ATP13A2: variants seen among roughly 807,000 people sequenced by gnomAD.
ATP13A2 encodes the protein polyamine-transporting ATPase 13A2.
In ATP13A2, 83 loss-of-function variants were observed where a neutral mutation model predicts 138.3. The observed-to-expected ratio is 0.60, with a 90% CI of 0.50 to 0.72. The LOEUF is 0.72. ATP13A2 is among the 30% of genes least tolerant of loss of function. The pLI is 0.00. For missense variants in ATP13A2, 1,402 were observed against 1,606.4 expected (o/e 0.87, Z 2.17); for synonymous variants, 663 against 699.0 (o/e 0.95, Z 0.81).
chr1:16,994,953 C>T (rs1015895164), intron 15 of ATP13A2, among the ~76,000 whole-genome samples: 3 of 152,080 alleles, frequency 2.0e-5, no homozygotes, highest in African/African-American at 4.8e-5. Context: ...TGAGCCACTG[C>T]GCTGGGCCCC....
At chr1:17,009,112 T>C (rs2077679988) in intron 1 of ATP13A2, among the ~76,000 whole-genome samples, 1 of 152,194 alleles carries the variant, frequency 6.6e-6, no homozygotes, top group Non-Finnish European at 1.5e-5. Flanking sequence ...ACTGAGCCTC[T>C]GGGGCAGTTG....
intron 15 of ATP13A2, among the ~76,000 whole-genome samples, chr1:16,994,453 G>A (rs545210847): frequency 9.2e-5 from 14 of 151,964 alleles, no homozygotes; most frequent in African/African-American, 2.7e-4. Context: ...GGCTGGTCTC[G>A]AACTCCCGAC....
At chr1:17,002,592 C>T (rs376642180) in intron 6 of ATP13A2, among the ~76,000 whole-genome samples, 2 of 152,164 alleles carry the variant, frequency 1.3e-5, no homozygotes, top group Non-Finnish European at 2.9e-5. Context: ...AGGAGAACAG[C>T]GAGAGATGAT....
chr1:17,002,300 C>A lies in ATP13A2; in HGVS notation c.631G>T (p.Val211Leu). 1 of 1,613,534 alleles carries A rather than the reference C, an allele frequency of 6.2e-7. No homozygotes were observed. The highest frequency in any genetic ancestry group is 8.5e-7 in the Non-Finnish European group (1 of 1,179,890). The change falls in exon 7 of 29, where the codon GTG becomes TTG. Residue 211 changes from valine (V) to leucine (L), a missense_variant. Coordinates refer to ENST00000326735, the MANE Select transcript of ATP13A2 (RefSeq NM_022089.4). Reference protein sequence around the residue: ...RHGLSLQDQMVRKAIYGPNVI... With the variant: ...RHGLSLQDQMLRKAIYGPNVI... Reference sequence around the variant, plus strand: ...CCGGTCCAGGGCAGCACTGACCTCACCATTTGGTCCTGGAGGCTGAGGCCA... The same window carrying A: ...CCGGTCCAGGGCAGCACTGACCTCAACATTTGGTCCTGGAGGCTGAGGCCA...
intron 8 of ATP13A2, 80 bp from the exon 9 acceptor site, chr1:17,000,614 G>A: frequency 1.3e-6 from 2 of 1,540,098 alleles, no homozygotes; most frequent in African/African-American, 1.4e-5. Flanking sequence ...CTGTGCCCAT[G>A]GGAGCAGAGG....
intron 1 of ATP13A2, among the ~76,000 whole-genome samples, chr1:17,006,791 G>T (rs898252574): frequency 1.3e-5 from 2 of 152,160 alleles, no homozygotes; most frequent in African/African-American, 4.8e-5. Flanking sequence ...GTGAGGAGAT[G>T]CAAAGTCAAG....
rs2077495624 is a variant in ATP13A2, at chr1:17,004,945, G to A, written c.347+69C>T. Reference sequence around the variant, plus strand: ...CAGAGTCAGCCTTTATGGGGGGGCCGAGGGTTGGGGAAGTTGGGGAGGCCA... The same window carrying A: ...CAGAGTCAGCCTTTATGGGGGGGCCAAGGGTTGGGGAAGTTGGGGAGGCCA... On this transcript the variant is annotated intron_variant, in intron 4 of 28. Transcript: ENST00000326735. The surrounding 1 kb of genome is among the most constrained non-coding windows in gnomAD (Gnocchi z 4.1). 6.2e-6 allele frequency: 10 copies of A among 1,611,600 alleles called. No homozygotes were observed. The highest frequency in any genetic ancestry group is 1.3e-5 in the African/African-American group (1 of 74,994).
In ATP13A2 at chr1:16,992,263, C is replaced by G. The variant is rs766516471; in HGVS notation, c.1985G>C (p.Gly662Ala). The G allele has an allele frequency of 6.2e-7, 1 of 1,612,592 alleles. No homozygotes were observed. Among genetic ancestry groups the G allele is most frequent in the Non-Finnish European group, 8.5e-7 (1 of 1,179,954 alleles). Residue 662 changes from glycine (G) to alanine (A), a missense_variant, in exon 18 of 29, where the codon GGG becomes GCG. By Grantham distance (60) the Gly-to-Ala change is moderately conservative (BLOSUM62 0). Transcript: ENST00000326735. Reference sequence around the variant, plus strand: ...TGCACCTGTCTCGGGGTTGCAGAGCCCTGCCACCAGCTCCGGGGAGCCTTT... The same window carrying G: ...TGCACCTGTCTCGGGGTTGCAGAGCGCTGCCACCAGCTCCGGGGAGCCTTT... ...YVKGSPELVA[G>A]LCNPETVPTD...
rs778762696 is a variant in ATP13A2 at position 16,995,904 on chromosome 1, CG to C, written c.1542+71del. The C allele has an allele frequency of 1.3e-6, 2 of 1,571,586 alleles. No homozygotes were observed. Among genetic ancestry groups the C allele is most frequent in the Non-Finnish European group, 1.7e-6 (2 of 1,148,402 alleles). Reference sequence around the variant, plus strand: ...TGTGGGTGCTGCTGAGAGAATAACGCGGGTGTGGAGGCCTCACTGGGGCGCC... The same window carrying C: ...TGTGGGTGCTGCTGAGAGAATAACGCGGTGTGGAGGCCTCACTGGGGCGCC... On this transcript the variant is annotated intron_variant, in intron 15 of 28. Coordinates refer to ENST00000326735, the MANE Select transcript of ATP13A2 (RefSeq NM_022089.4). The surrounding 1 kb of genome is among the most constrained non-coding windows in gnomAD (Gnocchi z 4.1).
chr1:17,005,207 G>A (rs1175626280), intron 3 of ATP13A2, 135 bp from the exon 4 acceptor site: 11 of 1,453,300 alleles, frequency 7.6e-6, no homozygotes, highest in African/African-American at 4.2e-5. Flanking sequence ...CACCCGACCC[G>A]TCCCTTCTGC....
chr1:16,998,730 C>T (rs1342636896), intron 11 of ATP13A2, among the ~76,000 whole-genome samples: 2 of 152,198 alleles, frequency 1.3e-5, no homozygotes, highest in South Asian at 2.1e-4. Context: ...GCGAGCGGGC[C>T]GGTTGAGTCA....
Position 16,986,239 on chromosome 1 carries a change from G to C in ATP13A2, c.3525C>G (p.Pro1175=). The C allele has an allele frequency of 1.9e-6, 3 of 1,610,596 alleles. No homozygotes were observed. Among genetic ancestry groups the C allele is most frequent in the African/African-American group, 1.3e-5 (1 of 74,842 alleles). Residue 1175 remains proline (P), a synonymous_variant, in exon 29 of 29, where the codon CCC becomes CCG. Coordinates refer to ENST00000326735, the MANE Select transcript of ATP13A2 (RefSeq NM_022089.4). This position sits in a 1 kb window ranked among gnomAD's most constrained non-coding sequence, Gnocchi z 6.9. ...GCCTGCACTACCTCAGGGGGCCGGC[G>C]GGCAGCGGCGGCCAGGGCTGCTCGG... is the stretch of plus-strand genomic sequence containing the variant. ...ELAEQPWPPL[P]AGPLR is the part of the protein sequence containing the mutation.
rs1421746980 is a variant in ATP13A2, at chr1:16,986,843, G to A, written c.3197C>T (p.Ser1066Phe). 1.9e-6 allele frequency: 3 copies of A among 1,613,218 alleles called. No homozygotes were observed. The highest frequency in any genetic ancestry group is 2.5e-6 in the Non-Finnish European group (3 of 1,179,760). ...CGGCCGGCGGAAGGGCGCCCCCTTG[G>A]ACACGGCTGCAGCCAGGATGAGGTA... Reference protein sequence around the residue: ...FQYLILAAAVSKGAPFRRPLY... With the variant: ...FQYLILAAAVFKGAPFRRPLY... The change falls in exon 27 of 29, where the codon TCC becomes TTC. Residue 1066 changes from serine to phenylalanine, a missense_variant. Ser to Phe is a radical substitution (Grantham distance 155). Transcript: ENST00000326735. The surrounding 1 kb of genome is among the most constrained non-coding windows in gnomAD (Gnocchi z 6.9).
Position 16,986,244 on chromosome 1 carries a change from G to A in ATP13A2, c.3520C>T (p.Leu1174=). The change falls in exon 29 of 29, where the codon CTG becomes TTG. Residue 1174 remains leucine, a synonymous_variant. Transcript: ENST00000326735. The surrounding 1 kb of genome is among the most constrained non-coding windows in gnomAD (Gnocchi z 6.9). ...RELAEQPWPP[L]PAGPLR The stretch of plus-strand genomic sequence containing the variant: ...CACTACCTCAGGGGGCCGGCGGGCA[G>A]CGGCGGCCAGGGCTGCTCGGCCAGC... 6.2e-7 allele frequency: 1 copy of A among 1,610,340 alleles called. No individual in the cohort carries two copies. The highest frequency in any genetic ancestry group is 8.5e-7 in the Non-Finnish European group (1 of 1,178,930).
rs754796382 is a variant in ATP13A2, at chr1:16,995,823, A to AGT, written c.1542+151_1542+152dup. On this transcript the variant is annotated intron_variant, in intron 15 of 28. Transcript: ENST00000326735. This position sits in a 1 kb window ranked among gnomAD's most constrained non-coding sequence, Gnocchi z 4.1. ...AGACCGTGAGCCCAGTGAGGGCAGG[A>AGT]GTGGGATGGGGTGGATCCTCTGGGG... 3.4e-5 allele frequency: 30 copies of AGT among 887,668 alleles called. No individual in the cohort carries two copies. The East Asian group carries it at 3.4e-4, about 10-fold the overall frequency. The allele number at this position is 887,668 out of a possible 1,614,324, so 55.0% of individuals were successfully genotyped here.
chr1:17,000,074 G>T lies in ATP13A2; in HGVS notation c.976C>A (p.Leu326Met), dbSNP rs768657165. 7 of 1,613,320 alleles carry T rather than the reference G, an allele frequency of 4.3e-6. No homozygotes were observed. Residue 326 changes from leucine (L) to methionine (M), a missense_variant, in exon 11 of 29, where the codon CTG becomes ATG. Transcript: ENST00000326735. ...ACCAGGGCGGCATCACAGGGCATCA[G>T]CCCACCCTCCTGGGGCAGCACCAGG... ...DCLVLPQEGG[L>M]MPCDAALVAG...
At chr1:17,000,749 C>T in intron 8 of ATP13A2, 1 of 623,394 alleles carries the variant, frequency 1.6e-6, no homozygotes, top group South Asian at 2.1e-5. Flanking sequence ...TATGACCAGC[C>T]TGGGCAACAT....
Position 17,011,875 on chromosome 1 carries a change from G to C in ATP13A2, c.-137C>G, listed in dbSNP as rs980217283. The C allele has an allele frequency of 2.5e-6, 2 of 814,346 alleles. No individual in the cohort carries two copies. Among genetic ancestry groups the C allele is most frequent in the Non-Finnish European group, 3.0e-6 (2 of 666,304 alleles). The allele number at this position is 814,346 out of a possible 1,614,324, so 50.4% of individuals were successfully genotyped here. On this transcript the variant is annotated 5_prime_UTR_variant, in exon 1 of 29. Transcript: ENST00000326735. This position sits in a 1 kb window ranked among gnomAD's most constrained non-coding sequence, Gnocchi z 7.3. ...GCTGGGCTAGCGCGGGGCTGGAGCA[G>C]GGCTGACGCGGGCGGGGCACCTGGG...
chr1:16,988,483 AGGTGT>A lies in ATP13A2; in HGVS notation c.2610-14_2610-10del, dbSNP rs1557672038. 4 of 1,613,310 alleles carry A rather than the reference AGGTGT, an allele frequency of 2.5e-6. No homozygotes were observed. The highest frequency in any genetic ancestry group is 1.1e-5 in the South Asian group (1 of 91,066). ...ACATGCCCACGCAGTACCTGAAGAGAGGTGTGGACAGGTGTGGCCTGGGGAATTAC... is the reference window on the plus strand; with the variant it reads ...ACATGCCCACGCAGTACCTGAAGAGAGGACAGGTGTGGCCTGGGGAATTAC... On this transcript the variant is annotated splice_polypyrimidine_tract_variant and intron_variant, in intron 23 of 28. Transcript: ENST00000326735.
Sources: allele counts gnomAD v4.1 joint callset (sites outside exome capture counted in the v4.1 genomes callset), GRCh38; gene constraint gnomAD v4.1.1; non-coding constraint Gnocchi (gnomAD v3.1); transcripts MANE v1.5; gene names NCBI Gene and HGNC (gene_info 2026-07-23, HGNC 2026-07-21).